The following SLC14A2 variants were observed in gnomAD, a reference collection of about 807,000 sequenced individuals.
SLC14A2 encodes the protein urea transporter 2.
In SLC14A2, 91 loss-of-function variants were observed where a neutral mutation model predicts 104.6. The observed-to-expected ratio is 0.87, with a 90% CI of 0.73 to 1.04. The LOEUF is 1.04. Ranked by LOEUF, SLC14A2 falls within the 50% of genes least tolerant of loss-of-function variation. The probability of loss-of-function intolerance (pLI) is 0.00; values close to 1 mark genes in which losing one functional copy is unlikely to be tolerated. For missense variants in SLC14A2, 1,189 were observed against 1,156.0 expected (o/e 1.03, Z -0.41); for synonymous variants, 476 against 466.4 (o/e 1.02, Z -0.27).
chr18:45,414,757 A>AAATATATAT (rs1360051908), intron 1 of SLC14A2, among the ~76,000 whole-genome samples: 24 of 76,108 alleles, frequency 3.2e-4, no homozygotes, highest in African/African-American at 1.5e-3. Context: ...AAAAAAAAAA[A>AAATATATAT]ATATATATAT....
chr18:45,408,774 G>A (rs548754228), intron 1 of SLC14A2, among the ~76,000 whole-genome samples: 1 of 152,222 alleles, frequency 6.6e-6, no homozygotes, highest in East Asian at 1.9e-4. Flanking sequence ...AGAGTGTGAT[G>A]AGAGTAGAAA....
chr18:45,377,468 G>GT (rs1486908545), intron 1 of SLC14A2, among the ~76,000 whole-genome samples: 1 of 152,066 alleles, frequency 6.6e-6, no homozygotes, highest in African/African-American at 2.4e-5. Flanking sequence ...TCAGCCTGGA[G>GT]TCCTACCAGC....
the SLC14A2 span, among the ~76,000 whole-genome samples, chr18:45,201,132 G>A: frequency 6.6e-6 from 1 of 151,890 alleles, no homozygotes; most frequent in African/African-American, 2.4e-5. Flanking sequence ...GTTTTTTAAA[G>A]GAAGACCACA....
rs749866767 is a variant in SLC14A2 at position 45,683,436 on chromosome 18, A to G, written c.*917A>G. ...TAAGTAAAGGACAGAAGGGTTACCC[A>G]AGAAGAGGCAGGAAAATGTTAACGT... On this transcript the variant is annotated 3_prime_UTR_variant, in exon 20 of 20. Coordinates refer to ENST00000255226, the MANE Select transcript of SLC14A2 (RefSeq NM_007163.4). 6.6e-5 allele frequency: 10 copies of G among 152,254 alleles called. No individual in the cohort carries two copies. Among genetic ancestry groups the G allele is most frequent in the Admixed American group, 2.0e-4 (3 of 15,290 alleles). The allele number at this position is 152,254 out of a possible 1,614,324, so 9.4% of individuals were successfully genotyped here. A position where few individuals can be genotyped will look rare whatever the true frequency, so the allele number is the denominator to read the frequency against.
Position 45,644,136 on chromosome 18 carries a change from G to A in SLC14A2, c.1327G>A (p.Gly443Ser), listed in dbSNP as rs35245152. The A allele has an allele frequency of 1.4e-3, 2,305 of 1,614,178 alleles. 31 individuals are homozygous for A. The African/African-American group carries it at 0.027, about 19-fold the overall frequency. ...CATCTACTACCTGACAGTGAAAAGC[G>A]GTGAAGAAGAGAAGGCCCCCAGCGG... is the stretch of plus-strand genomic sequence containing the variant. ...NRIYYLTVKSGEEEKAPSGGG... is the reference protein window; with the variant it reads ...NRIYYLTVKSSEEEKAPSGGG... The change falls in exon 10 of 20, where the codon GGT becomes AGT. Residue 443 changes from glycine (G) to serine (S), a missense_variant. Gly to Ser is a moderately conservative substitution (Grantham distance 56, BLOSUM62 0). Coordinates refer to ENST00000255226, the MANE Select transcript of SLC14A2 (RefSeq NM_007163.4).
chr18:45,507,477 C>G (rs1333346449), intron 2 of SLC14A2: 1 of 152,150 alleles, frequency 6.6e-6, no homozygotes, highest in African/African-American at 2.4e-5. Context: ...ATGGGAGAGA[C>G]CAGGCTGACC....
At chr18:45,475,660 T>TATATATATATTTAGG (rs1568228018) in intron 1 of SLC14A2, among the ~76,000 whole-genome samples, 49 of 111,374 alleles carry the variant, frequency 4.4e-4, no homozygotes, top group African/African-American at 9.7e-4. Context: ...TATATATATA[T>TATATATATATTTAGG]ATATATATAT....
chr18:45,353,111 A>G (rs1367195665), intron 1 of SLC14A2, among the ~76,000 whole-genome samples: 9 of 152,230 alleles, frequency 5.9e-5, no homozygotes, highest in African/African-American at 1.9e-4. Context: ...CTATTGTTAC[A>G]TAAGCATACA....
rs549671102 is a variant in SLC14A2, at chr18:45,277,638, G to A, written c.-125+64447G>A. Among the ~76,000 whole-genome samples the A allele has an allele frequency of 2.6e-5, 4 of 152,136 alleles. No individual in the cohort carries two copies. The East Asian group carries it at 7.8e-4, about 29-fold the overall frequency. On this transcript the variant is annotated intron_variant, in intron 1 of 20. Transcript: ENST00000586448. ...TGCTCAGGCTGGTCTTAAACTCCTG[G>A]ACTCAAGCAATCCACCCACCTTGGC...
At chr18:45,244,729 G>A (rs975728389) in intron 1 of SLC14A2, among the ~76,000 whole-genome samples, 1 of 152,154 alleles carries the variant, frequency 6.6e-6, no homozygotes, top group Non-Finnish European at 1.5e-5. Context: ...AGATTATATG[G>A]CATCCCGCTC....
At chr18:45,467,319 C>A (rs1029442907) in intron 1 of SLC14A2, among the ~76,000 whole-genome samples, 2 of 152,192 alleles carry the variant, frequency 1.3e-5, no homozygotes, top group Non-Finnish European at 2.9e-5. Flanking sequence ...ATCACCCATC[C>A]CTCAATCCCC....
intron 1 of SLC14A2, among the ~76,000 whole-genome samples, chr18:45,322,149 T>C (rs920188092): frequency 6.6e-6 from 1 of 152,208 alleles, no homozygotes; most frequent in African/African-American, 2.4e-5. Flanking sequence ...CAGGAATAAA[T>C]GGCAAATACT....
intron 1 of SLC14A2, among the ~76,000 whole-genome samples, chr18:45,364,657 A>G (rs1356313365): frequency 6.6e-6 from 1 of 152,228 alleles, no homozygotes; most frequent in Non-Finnish European, 1.5e-5. Context: ...ATGATATGTC[A>G]TTATAAAGAA....
At position 45,437,791 on chromosome 18, in the gene SLC14A2, T is replaced by C. The variant is rs535144590; in HGVS notation, c.-124-45442T>C. On this transcript the variant is annotated intron_variant, in intron 1 of 20. Transcript: ENST00000586448. ...CTCAAAAATCACTTGTTGTTTCCCA[T>C]TTTGTTGATAAGAAAATTGAAACCT... Among the ~76,000 whole-genome samples, 3 of 152,342 alleles carry C rather than the reference T, an allele frequency of 2.0e-5. No individual in the cohort carries two copies. In the South Asian group the frequency reaches 6.2e-4, roughly 32 times the overall value.
At chr18:45,393,558 A>C (rs999561330) in intron 1 of SLC14A2, among the ~76,000 whole-genome samples, 1 of 152,232 alleles carries the variant, frequency 6.6e-6, no homozygotes, top group African/African-American at 2.4e-5. Flanking sequence ...GCACATGGAA[A>C]TACTCAAAAA....
chr18:45,504,423 T>C (rs2043250455), intron 2 of SLC14A2, among the ~76,000 whole-genome samples: 2 of 152,158 alleles, frequency 1.3e-5, no homozygotes, highest in Non-Finnish European at 2.9e-5. Context: ...ACCACAGCCA[T>C]ATGGTAAGGG....
intron 1 of SLC14A2, among the ~76,000 whole-genome samples, chr18:45,394,565 G>A (rs532029807): frequency 6.6e-6 from 1 of 152,172 alleles, no homozygotes; most frequent in South Asian, 2.1e-4. Context: ...ACAGGTGTCA[G>A]GTGCTGTGAT....
chr18:45,351,921 G>C (rs2085507359), intron 1 of SLC14A2, among the ~76,000 whole-genome samples: 1 of 152,212 alleles, frequency 6.6e-6, no homozygotes, highest in Non-Finnish European at 1.5e-5. Flanking sequence ...ATAAACAGGA[G>C]AGCTTTGGGA....
intron 2 of SLC14A2, among the ~76,000 whole-genome samples, chr18:45,577,596 T>C (rs922967727): frequency 4.1e-4 from 62 of 152,286 alleles, no homozygotes; most frequent in African/African-American, 1.4e-3. Flanking sequence ...CTAAATCCAA[T>C]TGCCCATCTG....
Sources: gnomAD v4.1 joint callset for allele counts (sites outside exome capture counted in the v4.1 genomes callset) on GRCh38, gnomAD v4.1.1 for gene constraint, MANE v1.5 for transcripts, NCBI Gene and HGNC (gene_info 2026-07-23, HGNC 2026-07-21) for gene names.